WDR41: variants seen among roughly 807,000 people sequenced by gnomAD.
WDR41 encodes WD repeat domain 41, also known as WD repeat-containing protein 41.
WDR41 carries 63 observed loss-of-function variants against 69.3 expected under a neutral mutation model. The ratio of observed to expected loss-of-function variants is 0.91; its 90% CI spans 0.74 to 1.12. The LOEUF (loss-of-function observed/expected upper bound fraction) is 1.12, where lower values mean the gene tolerates loss of function less well. Ranked by LOEUF, WDR41 falls within the 50% of genes most tolerant of loss-of-function variation. WDR41 has a pLI of 0.00. For synonymous variants in WDR41, 185 were observed against 192.1 expected, an observed-to-expected ratio of 0.96 and a Z score of 0.31; for missense variants, 543 against 534.5, an observed-to-expected ratio of 1.02 and a Z score of -0.16.
At chr5:77,613,210 C>A (rs1274240052) in intron 1 of WDR41, among the ~76,000 whole-genome samples, 1 of 152,096 alleles carries the variant, frequency 6.6e-6, no homozygotes. Flanking sequence ...ATGAAAATGG[C>A]CATACTGCCC....
chr5:77,532,877 T>G (rs76355810), intron 1 of WDR41, among the ~76,000 whole-genome samples: 3,297 of 152,244 alleles, frequency 0.022, 44 homozygotes, highest in South Asian at 0.034. Context: ...GAGGGGATTA[T>G]GATTGGGAAA....
chr5:77,562,702 AC>A (rs1743549106), intron 1 of WDR41, among the ~76,000 whole-genome samples: 1 of 152,256 alleles, frequency 6.6e-6, no homozygotes. Flanking sequence ...CATCTTGACT[AC>A]TAAAGGGTAT....
chr5:77,584,539 T>A (rs186813135), intron 1 of WDR41, among the ~76,000 whole-genome samples: 5 of 152,128 alleles, frequency 3.3e-5, no homozygotes, highest in Admixed American at 6.5e-5. Context: ...ACAAATAAAT[T>A]TAAGAAGACA....
At chr5:77,583,267 C>T in intron 1 of WDR41, 2 of 603,024 alleles carry the variant, frequency 3.3e-6, no homozygotes, top group East Asian at 5.7e-5. Context: ...GTTATCTCAA[C>T]ATTTTAGGAG....
At chr5:77,584,902 C>A (rs1485913473) in intron 1 of WDR41, among the ~76,000 whole-genome samples, 1 of 152,126 alleles carries the variant, frequency 6.6e-6, no homozygotes, top group East Asian at 1.9e-4. Flanking sequence ...CCCTTCTAGA[C>A]ACTGGCTTAG....
rs560145366 is a variant in WDR41, at chr5:77,561,495, C to T, written c.42+58984G>A. ...GGAAGTAAAAAGGGAATTGCATCTA[C>T]AACATTTAAATAATGTTTCTATTAT... is the stretch of plus-strand genomic sequence containing the variant. On this transcript the variant is annotated intron_variant, in intron 1 of 5. Coordinates refer to the WDR41 transcript ENST00000509971. 7.9e-5 allele frequency among the ~76,000 whole-genome samples: 12 copies of T among 152,108 alleles called. No individual in the cohort carries two copies. In the South Asian group the frequency reaches 2.1e-3, roughly 26 times the overall value.
At chr5:77,600,694 A>G (rs1744307032) in intron 1 of WDR41, among the ~76,000 whole-genome samples, 1 of 152,164 alleles carries the variant, frequency 6.6e-6, no homozygotes, top group Admixed American at 6.5e-5. Context: ...AGCCTGGACA[A>G]GATGGTGAAA....
chr5:77,459,254 G>T, intron 4 of WDR41, 130 bp from the exon 5 acceptor site: 1 of 616,674 alleles, frequency 1.6e-6, no homozygotes, highest in Non-Finnish European at 2.8e-6. Context: ...AATATTTAGT[G>T]TTTATACCAC....
At chr5:77,542,490 G>A (rs540100662) in intron 1 of WDR41, among the ~76,000 whole-genome samples, 8 of 152,240 alleles carry the variant, frequency 5.3e-5, no homozygotes, top group Non-Finnish European at 1.2e-4. Flanking sequence ...GAAAAATGTA[G>A]ATATGTGATA....
intron 1 of WDR41, among the ~76,000 whole-genome samples, chr5:77,616,118 T>C (rs971148708): frequency 1.1e-4 from 17 of 151,922 alleles, no homozygotes; most frequent in Non-Finnish European, 2.1e-4. Flanking sequence ...AAACCCACTC[T>C]GTCTTTTTTT....
At chr5:77,593,314 A>G (rs1424610361) in intron 1 of WDR41, among the ~76,000 whole-genome samples, 1 of 152,130 alleles carries the variant, frequency 6.6e-6, no homozygotes, top group African/African-American at 2.4e-5. Flanking sequence ...AGACAGAGAG[A>G]GAGAGAGGGA....
intron 1 of WDR41, among the ~76,000 whole-genome samples, chr5:77,588,801 A>C (rs1035717987): frequency 2.6e-5 from 4 of 152,194 alleles, no homozygotes; most frequent in Non-Finnish European, 4.4e-5. Context: ...TTTTAAAAAA[A>C]ATCTTTAATA....
chr5:77,609,389 T>C (rs1744495772), intron 1 of WDR41, among the ~76,000 whole-genome samples: 1 of 152,130 alleles, frequency 6.6e-6, no homozygotes, highest in Non-Finnish European at 1.5e-5. Flanking sequence ...CTGAGCAGCC[T>C]AACTGGGAGG....
At chr5:77,528,156 G>C (rs1802476514) in intron 1 of WDR41, among the ~76,000 whole-genome samples, 1 of 151,662 alleles carries the variant, frequency 6.6e-6, no homozygotes, top group Non-Finnish European at 1.5e-5. Context: ...GTTGATAATT[G>C]TATGGTAAGA....
At chr5:77,582,315 A>G (rs973110473) in intron 1 of WDR41, 17 of 1,486,362 alleles carry the variant, frequency 1.1e-5, no homozygotes, top group Non-Finnish European at 1.5e-5. Flanking sequence ...GCATAGATAT[A>G]TAACAAGTTA....
chr5:77,477,293 G>C (rs1800986415), intron 2 of WDR41, among the ~76,000 whole-genome samples: 3 of 150,826 alleles, frequency 2.0e-5, no homozygotes, highest in Admixed American at 2.0e-4. Context: ...AGGATACCCA[G>C]GAATTGAAAT....
chr5:77,500,846 C>T (rs1473539567), intron 1 of WDR41, among the ~76,000 whole-genome samples: 1 of 152,160 alleles, frequency 6.6e-6, no homozygotes, highest in Non-Finnish European at 1.5e-5. Flanking sequence ...AAAAAAGATA[C>T]TAAAAACTTT....
chr5:77,504,542 G>C (rs1281694216), intron 1 of WDR41, among the ~76,000 whole-genome samples: 1 of 152,158 alleles, frequency 6.6e-6, no homozygotes, highest in East Asian at 1.9e-4. Context: ...GCATCATCCT[G>C]ATACCAAAGC....
chr5:77,467,432 C>T (rs1800354756), intron 2 of WDR41, among the ~76,000 whole-genome samples: 3 of 151,938 alleles, frequency 2.0e-5, no homozygotes, highest in Admixed American at 6.5e-5. Flanking sequence ...AGAAATGTAC[C>T]GTATTTCATC....
Sources: allele counts gnomAD v4.1 joint callset (sites outside exome capture counted in the v4.1 genomes callset), GRCh38; gene constraint gnomAD v4.1.1; transcripts MANE v1.5; gene names NCBI Gene and HGNC (gene_info 2026-07-23, HGNC 2026-07-21).